KCNH3: variants seen among roughly 807,000 people sequenced by gnomAD.
KCNH3 encodes the protein voltage-gated inwardly rectifying potassium channel KCNH3.
Under a neutral mutation model 95.6 loss-of-function variants are expected in KCNH3, and 36 were observed. The ratio of observed to expected loss-of-function variants is 0.38; its 90% CI spans 0.29 to 0.50. The LOEUF is 0.50. KCNH3 is among the 20% of genes least tolerant of loss of function. The pLI is 0.95. For synonymous variants in KCNH3, 620 were observed against 646.3 expected, an observed-to-expected ratio of 0.96 and a Z score of 0.62; for missense variants, 1,030 against 1,484.1, an observed-to-expected ratio of 0.69 and a Z score of 5.03.
At position 49,542,697 on chromosome 12, in the gene KCNH3, C is replaced by A; in HGVS notation, c.446-9C>A. Reference sequence around the variant, plus strand: ...CCCATCATCTTCATGGGCCCCTCTTCTTTCGCAGGTGGTGGCCGGCGCCGA... The same window carrying A: ...CCCATCATCTTCATGGGCCCCTCTTATTTCGCAGGTGGTGGCCGGCGCCGA... On this transcript the variant is annotated splice_polypyrimidine_tract_variant and intron_variant, in intron 3 of 14. Transcript: ENST00000257981. The A allele has an allele frequency of 6.4e-7, 1 of 1,565,748 alleles. No homozygotes were observed.
chr12:49,555,552 G>C (rs1938408035), intron 11 of KCNH3, 68 bp from the exon 12 acceptor site: 5 of 986,928 alleles, frequency 5.1e-6, no homozygotes, highest in Non-Finnish European at 5.9e-6. Flanking sequence ...ATGAAGCCTT[G>C]GTAGGGGAGG....
chr12:49,558,274 A>AT lies in KCNH3; in HGVS notation c.*323dup. ...CCTCTACCTGTCCCCAAATTTTTATATTAAAAAAAAAAAATAAAATAAACT... is the reference window on the plus strand; with the variant it reads ...CCTCTACCTGTCCCCAAATTTTTATATTTAAAAAAAAAAAATAAAATAAACT... On this transcript the variant is annotated 3_prime_UTR_variant, in exon 15 of 15. Coordinates refer to ENST00000257981, the MANE Select transcript of KCNH3 (RefSeq NM_012284.3). The AT allele has an allele frequency of 2.6e-6, 1 of 387,484 alleles. No homozygotes were observed. The highest frequency in any genetic ancestry group is 4.5e-6 in the Non-Finnish European group (1 of 220,642). 24.0% of individuals were successfully genotyped at this position (387,484 alleles called of 1,614,324 possible). A position where few individuals can be genotyped will look rare whatever the true frequency, so the allele number is the denominator to read the frequency against.
intron 5 of KCNH3, 90 bp from the exon 6 acceptor site, chr12:49,543,825 G>A: frequency 6.7e-7 from 1 of 1,499,882 alleles, no homozygotes; most frequent in Non-Finnish European, 9.1e-7. Context: ...GCCGGGGACA[G>A]TGTCAACTAC....
At chr12:49,550,714 C>G (rs1306671294) in intron 10 of KCNH3, among the ~76,000 whole-genome samples, 2 of 152,108 alleles carry the variant, frequency 1.3e-5, no homozygotes, top group South Asian at 2.1e-4. Context: ...TCTTTGTGGT[C>G]CCCCAGGAAC....
At chr12:49,540,825 C>A in intron 1 of KCNH3, 74 bp from the exon 2 acceptor site, 1 of 1,228,100 alleles carries the variant, frequency 8.1e-7, no homozygotes, top group Non-Finnish European at 1.2e-6. Context: ...TGGTTGCAGG[C>A]ATTTGAGAAA....
At chr12:49,554,198 CCT>C (rs1305699727) in intron 10 of KCNH3, 137 bp from the exon 11 acceptor site, 3 of 704,616 alleles carry the variant, frequency 4.3e-6, no homozygotes, top group Non-Finnish European at 2.5e-6. Context: ...CCTCTTTGCT[CCT>C]CTCTCTGCTG....
Position 49,540,907 on chromosome 12 carries a change from T to C in KCNH3, c.85T>C (p.Phe29Leu), listed in dbSNP as rs758197823. The C allele has an allele frequency of 6.2e-7, 1 of 1,613,942 alleles. No individual in the cohort carries two copies. Among genetic ancestry groups the C allele is most frequent in the Non-Finnish European group, 8.5e-7 (1 of 1,179,982 alleles). ...GAAGTGCTCTCTTGCAGACAGTAAC[T>C]TCGTGCTGGGCAACGCCCAGGTGGC... The part of the protein sequence containing the change: ...ATRFDGTHSN[F>L]VLGNAQVAGL... The change falls in exon 2 of 15, where the codon TTC becomes CTC. Residue 29 changes from phenylalanine (F) to leucine (L), a missense_variant. Transcript: ENST00000257981.
chr12:49,555,812 C>G lies in KCNH3; in HGVS notation c.2329C>G (p.Pro777Ala). The G allele has an allele frequency of 6.2e-7, 1 of 1,613,550 alleles. No individual in the cohort carries two copies. Among genetic ancestry groups the G allele is most frequent in the Non-Finnish European group, 8.5e-7 (1 of 1,179,910 alleles). The change falls in exon 12 of 15, where the codon CCT becomes GCT. Residue 777 changes from proline to alanine, a missense_variant. By Grantham distance (27) the Pro-to-Ala change is conservative. Around this residue, in one of 9 missense-constraint regions of KCNH3, gnomAD observed 464 missense variants for 493.2 expected, o/e 0.94. Coordinates refer to ENST00000257981, the MANE Select transcript of KCNH3 (RefSeq NM_012284.3). ...LLSPRRTAPR[P>A]RLGGRGRPGR... ...ATCCCCACGTCGAACAGCACCCCGG[C>G]CTCGTCTAGGTGGCAGAGGGAGGCC...
chr12:49,555,977 C>G (rs1474573069), intron 12 of KCNH3, 26 bp downstream of exon 12: 5 of 1,158,062 alleles, frequency 4.3e-6, no homozygotes, highest in Non-Finnish European at 6.2e-6. Context: ...GCCCCCGTGG[C>G]AGAGATGGTG....
chr12:49,549,067 C>T lies in KCNH3; in HGVS notation c.1362C>T (p.Thr454=), dbSNP rs1174066949. The change falls in exon 8 of 15, where the codon ACC becomes ACT. Residue 454 remains threonine (T), a synonymous_variant. Coordinates refer to ENST00000257981, the MANE Select transcript of KCNH3 (RefSeq NM_012284.3). ...GGPSLRSAYI[T]SLYFALSSLT... ...CGTCGCTGCGCAGCGCCTACATCAC[C>T]TCCCTCTACTTCGCACTCAGCAGCC... 1 of 1,612,658 alleles carries T rather than the reference C, an allele frequency of 6.2e-7. No homozygotes were observed. Among genetic ancestry groups the T allele is most frequent in the Admixed American group, 1.7e-5 (1 of 60,000 alleles).
In KCNH3 at chr12:49,554,651, T is replaced by C. The variant is rs1391650412; in HGVS notation, c.2136+97T>C. On this transcript the variant is annotated intron_variant, in intron 11 of 14. Transcript: ENST00000257981. ...GGATGGTGGAGAGCTGTGTGTGAAGTGTGGCCTGGTATGAAAGCTCCCACC... is the reference window on the plus strand; with the variant it reads ...GGATGGTGGAGAGCTGTGTGTGAAGCGTGGCCTGGTATGAAAGCTCCCACC... 2.7e-6 allele frequency: 3 copies of C among 1,092,622 alleles called. No individual in the cohort carries two copies. In the African/African-American group the frequency reaches 4.6e-5, roughly 17 times the overall value. The allele number at this position is 1,092,622 out of a possible 1,614,324, so 67.7% of individuals were successfully genotyped here.
chr12:49,556,624 C>T (rs759086979), intron 13 of KCNH3, 148 bp downstream of exon 13: 23 of 718,456 alleles, frequency 3.2e-5, no homozygotes, highest in Admixed American at 6.0e-5. Context: ...TGGTGTCGTG[C>T]GGGCAGGGGA....
rs984846412 is a variant in KCNH3 at position 49,539,321 on chromosome 12, C to T, written c.-96C>T. On this transcript the variant is annotated 5_prime_UTR_variant, in exon 1 of 15. Transcript: ENST00000257981. This position sits in a 1 kb window ranked among gnomAD's most constrained non-coding sequence, Gnocchi z 6.7. ...CCCCCGACGGCTGCGCTAGGGAGCG[C>T]GGGGCCCGGCGGGGGGCGGCCGAGC... The T allele has an allele frequency of 7.7e-5, 51 of 662,798 alleles. No homozygotes were observed. Among genetic ancestry groups the T allele is most frequent in the Non-Finnish European group, 1.0e-4 (48 of 466,652 alleles). 41.1% of individuals were successfully genotyped at this position (662,798 alleles called of 1,614,324 possible). A position where few individuals can be genotyped will look rare whatever the true frequency, so the allele number is the denominator to read the frequency against.
intron 1 of KCNH3, 23 bp from the exon 2 acceptor site, chr12:49,540,876 C>T (rs1937848026): frequency 6.2e-7 from 1 of 1,604,202 alleles, no homozygotes; most frequent in Admixed American, 1.7e-5. Context: ...CCCACGCCTC[C>T]TCTGAGAAGT....
Position 49,557,387 on chromosome 12 carries a change from C to G in KCNH3, c.2686C>G (p.Arg896Gly). The change falls in exon 15 of 15, where the codon CGG becomes GGG. Residue 896 changes from arginine (R) to glycine (G), a missense_variant. Coordinates refer to ENST00000257981, the MANE Select transcript of KCNH3 (RefSeq NM_012284.3). ...TELSEQVLQMREGLQSLRQAV... is the reference protein window; with the variant it reads ...TELSEQVLQMGEGLQSLRQAV... ...GCTGTCAGAGCAGGTGCTGCAGATG[C>G]GGGAAGGACTGCAGTCACTTCGCCA... 1 of 1,599,794 alleles carries G rather than the reference C, an allele frequency of 6.3e-7. No homozygotes were observed. Among genetic ancestry groups the G allele is most frequent in the Non-Finnish European group, 8.5e-7 (1 of 1,170,664 alleles).
At position 49,557,975 on chromosome 12, in the gene KCNH3, G is replaced by A. The variant is rs377464016; in HGVS notation, c.*22G>A. 1.1e-4 allele frequency: 155 copies of A among 1,448,686 alleles called. 1 individual carries two copies. In the African/African-American group the frequency reaches 1.9e-3, roughly 18 times the overall value. The allele number at this position is 1,448,686 out of a possible 1,614,324, so 89.7% of individuals were successfully genotyped here. ...CTGAGTACCAGCCCTAGAACTCAGC[G>A]TTGCCAGGTGTGCTGCCATCTGCTG... is the stretch of plus-strand genomic sequence containing the variant. On this transcript the variant is annotated 3_prime_UTR_variant, in exon 15 of 15. Transcript: ENST00000257981.
intron 10 of KCNH3, among the ~76,000 whole-genome samples, chr12:49,552,879 T>C (rs1282613835): frequency 6.6e-6 from 1 of 152,210 alleles, no homozygotes; most frequent in East Asian, 1.9e-4. Context: ...CCCAGAAGGA[T>C]GGCCTGAAAC....
In KCNH3 at chr12:49,556,397, T is replaced by C; in HGVS notation, c.2496T>C (p.Cys832=). ...PRVVDGIEDG[C]GSDQPKFSFR... is the part of the protein sequence containing the mutation. ...TAGTAGATGGCATTGAAGACGGCTG[T>C]GGCTCGGACCAGCCCAAGTTCTCTT... The change falls in exon 13 of 15, where the codon TGT becomes TGC. Residue 832 remains cysteine (C), a synonymous_variant. Coordinates refer to ENST00000257981, the MANE Select transcript of KCNH3 (RefSeq NM_012284.3). 6.2e-7 allele frequency: 1 copy of C among 1,613,888 alleles called. No homozygotes were observed. The highest frequency in any genetic ancestry group is 1.1e-5 in the South Asian group (1 of 91,086).
chr12:49,557,447 G>A lies in KCNH3; in HGVS notation c.2746G>A (p.Gly916Ser), dbSNP rs1938510659. ...VQLVLAPHRE[G>S]PCPRASGEGP... ...GCTTGTCCTGGCGCCCCACAGGGAG[G>A]GTCCGTGCCCTCGGGCATCGGGAGA... is the stretch of plus-strand genomic sequence containing the variant. The change falls in exon 15 of 15, where the codon GGT becomes AGT. Residue 916 changes from glycine (G) to serine (S), a missense_variant. Gly to Ser is a moderately conservative substitution (Grantham distance 56). This residue lies in a region of KCNH3 where 464 missense variants were observed against 493.2 expected (regional missense o/e 0.94). Transcript: ENST00000257981. The A allele has an allele frequency of 8.1e-6, 13 of 1,610,172 alleles. No homozygotes were observed. The highest frequency in any genetic ancestry group is 1.0e-5 in the Non-Finnish European group (12 of 1,178,234).
Sources: allele counts gnomAD v4.1 joint callset (sites outside exome capture counted in the v4.1 genomes callset), GRCh38; gene constraint gnomAD v4.1.1; regional missense constraint gnomAD v4.1.1; non-coding constraint Gnocchi (gnomAD v3.1); transcripts MANE v1.5; gene names NCBI Gene and HGNC (gene_info 2026-07-23, HGNC 2026-07-21).